Variants in PTPRN2 observed in about 807,000 individuals in gnomAD.
PTPRN2 encodes the protein protein tyrosine phosphatase receptor type N2.
In PTPRN2, 74 loss-of-function variants were observed where a neutral mutation model predicts 118.8. The observed-to-expected ratio is 0.62, with a 90% CI of 0.52 to 0.76. The LOEUF is 0.76. Among genes scored for constraint, PTPRN2 ranks in the 30% least tolerant of loss-of-function variants. The pLI is 0.00. For missense variants in PTPRN2, 1,481 were observed against 1,394.4 expected (o/e 1.06, Z -0.99); for synonymous variants, 641 against 608.0 (o/e 1.05, Z -0.80).
At chr7:157,680,710 G>A (rs954619265) in intron 13 of PTPRN2, among the ~76,000 whole-genome samples, 1 of 152,026 alleles carries the variant, frequency 6.6e-6, no homozygotes, top group African/African-American at 2.4e-5. Flanking sequence ...TTCCCTAAAG[G>A]GCATTTTGTG....
intron 11 of PTPRN2, among the ~76,000 whole-genome samples, chr7:157,947,694 A>G (rs1258346698): frequency 6.6e-6 from 1 of 152,218 alleles, no homozygotes; most frequent in Admixed American, 6.5e-5. Flanking sequence ...AGACATGAAT[A>G]TACATATCCA....
intron 11 of PTPRN2, among the ~76,000 whole-genome samples, chr7:157,989,724 G>A (rs912927456): frequency 1.6e-4 from 25 of 152,130 alleles, no homozygotes; most frequent in African/African-American, 5.6e-4. Context: ...CTGACGGGCC[G>A]GAATGACACA....
chr7:157,795,595 C>A (rs904974423), intron 12 of PTPRN2, among the ~76,000 whole-genome samples: 1 of 152,256 alleles, frequency 6.6e-6, no homozygotes, highest in Non-Finnish European at 1.5e-5. Flanking sequence ...ACTAACGTTG[C>A]TGAGGTTGAC....
intron 11 of PTPRN2, among the ~76,000 whole-genome samples, chr7:157,983,593 G>A (rs899803903): frequency 6.6e-6 from 1 of 151,832 alleles, no homozygotes; most frequent in Non-Finnish European, 1.5e-5. Flanking sequence ...GCCCACATGT[G>A]TCCACCAGCC....
At chr7:158,461,318 AC>A (rs1223239912) in intron 2 of PTPRN2, among the ~76,000 whole-genome samples, 1 of 152,204 alleles carries the variant, frequency 6.6e-6, no homozygotes, top group Non-Finnish European at 1.5e-5. Flanking sequence ...ACACAGTGAA[AC>A]CCCGTCTCTA....
At chr7:158,331,324 C>A (rs1164324975) in intron 2 of PTPRN2, among the ~76,000 whole-genome samples, 2 of 133,702 alleles carry the variant, frequency 1.5e-5, no homozygotes, top group African/African-American at 6.4e-5. Context: ...GAGCTGAGGC[C>A]CACAGAGGTC....
chr7:157,858,148 C>CCA (rs1385887998), intron 12 of PTPRN2, among the ~76,000 whole-genome samples: 113 of 35,282 alleles, frequency 3.2e-3, no homozygotes, highest in Non-Finnish European at 5.0e-3. Flanking sequence ...GGGAGAGCCC[C>CCA]GTCACCACCC....
intron 11 of PTPRN2, among the ~76,000 whole-genome samples, chr7:158,076,475 C>T (rs534865605): frequency 6.6e-6 from 1 of 152,256 alleles, no homozygotes; most frequent in Non-Finnish European, 1.5e-5. Flanking sequence ...CACCCCTCCC[C>T]CTCCCCCGGG....
intron 2 of PTPRN2, among the ~76,000 whole-genome samples, chr7:158,456,242 C>T (rs773723316): frequency 6.2e-5 from 9 of 145,168 alleles, no homozygotes; most frequent in Non-Finnish European, 1.2e-4. Flanking sequence ...CTGCAGAGAA[C>T]GTAACGGCAC....
chr7:158,131,541 G>A lies in PTPRN2; in HGVS notation c.1556+2136C>T, dbSNP rs111204878. 6.2e-3 allele frequency among the ~76,000 whole-genome samples: 718 copies of A among 115,282 alleles called. 11 individuals are homozygous for A. The highest frequency in any genetic ancestry group is 0.023 in the African/African-American group (663 of 28,302). 75.6% of individuals were successfully genotyped at this position (115,282 alleles called of 152,430 possible). ...GACACACACACTCATACACACACACGGGTACATACAAACTGATACACAGCT... is the reference window on the plus strand; with the variant it reads ...GACACACACACTCATACACACACACAGGTACATACAAACTGATACACAGCT... On this transcript the variant is annotated intron_variant, in intron 9 of 22. Coordinates refer to ENST00000389418, the MANE Select transcript of PTPRN2 (RefSeq NM_002847.5).
At chr7:157,918,302 T>C (rs1798521806) in intron 11 of PTPRN2, among the ~76,000 whole-genome samples, 1 of 152,252 alleles carries the variant, frequency 6.6e-6, no homozygotes, top group South Asian at 2.1e-4. Flanking sequence ...CTGAAGATCC[T>C]TACTGCTTTT....
intron 14 of PTPRN2, among the ~76,000 whole-genome samples, chr7:157,628,255 T>C (rs1803709537): frequency 6.6e-6 from 1 of 152,216 alleles, no homozygotes; most frequent in African/African-American, 2.4e-5. Context: ...TCACAATGTA[T>C]TACATAGCAC....
intron 10 of PTPRN2, among the ~76,000 whole-genome samples, chr7:158,087,158 T>C (rs1472436594): frequency 6.6e-6 from 1 of 152,176 alleles, no homozygotes; most frequent in Non-Finnish European, 1.5e-5. Flanking sequence ...CTGCTCCTCC[T>C]CCAAATTCTT....
chr7:158,067,635 G>A (rs1381530678), intron 11 of PTPRN2, among the ~76,000 whole-genome samples: 6 of 152,254 alleles, frequency 3.9e-5, no homozygotes, highest in South Asian at 2.1e-4. Flanking sequence ...TTTGTGGGTC[G>A]GGCAGTCCAC....
intron 6 of PTPRN2, among the ~76,000 whole-genome samples, chr7:158,141,377 C>T (rs539624264): frequency 1.3e-4 from 20 of 152,360 alleles, no homozygotes; most frequent in South Asian, 1.0e-3. Flanking sequence ...CTCTCCACAG[C>T]GCAGGCTGTG....
intron 3 of PTPRN2, among the ~76,000 whole-genome samples, chr7:158,206,808 T>C (rs1025403322): frequency 6.6e-6 from 1 of 151,710 alleles, no homozygotes; most frequent in Admixed American, 6.6e-5. Flanking sequence ...TTTTAATTTA[T>C]TTATTTTTTA....
rs1810922376 is a variant in PTPRN2, at chr7:157,869,513, T to A, written c.1788+29160A>T. Among the ~76,000 whole-genome samples, 1 of 152,194 alleles carries A rather than the reference T, an allele frequency of 6.6e-6. No homozygotes were observed. Among genetic ancestry groups the A allele is most frequent in the African/African-American group, 2.4e-5 (1 of 41,438 alleles). ...AGGGCCAAGACACTTTTGCAAGGGA[T>A]CAAACCCACCATTTAGTCCATTCCC... is the stretch of plus-strand genomic sequence containing the variant. On this transcript the variant is annotated intron_variant, in intron 12 of 22. Transcript: ENST00000389418. This position sits in a 1 kb window ranked among gnomAD's most constrained non-coding sequence, Gnocchi z 4.2.
chr7:157,886,234 C>T (rs886237639), intron 12 of PTPRN2, among the ~76,000 whole-genome samples: 8 of 152,120 alleles, frequency 5.3e-5, no homozygotes, highest in Non-Finnish European at 4.4e-5. Context: ...AGGCACAAGG[C>T]GGGCCTCCGT....
chr7:157,875,531 C>G (rs1795705171), intron 12 of PTPRN2, among the ~76,000 whole-genome samples: 1 of 152,236 alleles, frequency 6.6e-6, no homozygotes. Context: ...GTCTTAATTC[C>G]AGCAGACAGG....
Sources: gnomAD v4.1 joint callset for allele counts (sites outside exome capture counted in the v4.1 genomes callset) on GRCh38, gnomAD v4.1.1 for gene constraint, Gnocchi (gnomAD v3.1) non-coding constraint, MANE v1.5 for transcripts, NCBI Gene and HGNC (gene_info 2026-07-23, HGNC 2026-07-21) for gene names.